The following NKAIN2 variants were observed in gnomAD, a reference collection of about 807,000 sequenced individuals.
NKAIN2 encodes the protein sodium/potassium transporting ATPase interacting 2.
In NKAIN2, 14 loss-of-function variants were observed where a neutral mutation model predicts 32.6. The observed-to-expected ratio is 0.43, with a 90% CI of 0.28 to 0.67. NKAIN2 has a LOEUF of 0.67. Among genes scored for constraint, NKAIN2 ranks in the 30% least tolerant of loss-of-function variants. NKAIN2 has a pLI of 0.17. For missense variants in NKAIN2, 198 were observed against 258.3 expected, an observed-to-expected ratio of 0.77 and a Z score of 1.60; for synonymous variants, 80 against 87.2, an observed-to-expected ratio of 0.92 and a Z score of 0.46.
intron 1 of NKAIN2, among the ~76,000 whole-genome samples, chr6:124,269,860 G>C (rs1367563310): frequency 1.3e-5 from 2 of 151,970 alleles, no homozygotes; most frequent in African/African-American, 4.8e-5. Context: ...TTCATCTCTT[G>C]ATTGGCCTTT....
chr6:124,261,801 A>G (rs777124820), intron 1 of NKAIN2, among the ~76,000 whole-genome samples: 13 of 151,598 alleles, frequency 8.6e-5, no homozygotes, highest in Non-Finnish European at 1.5e-4. Flanking sequence ...CAGAGATTGC[A>G]GTGAGCCAAG....
intron 1 of NKAIN2, among the ~76,000 whole-genome samples, chr6:124,166,609 T>C (rs1263726870): frequency 2.0e-5 from 3 of 151,760 alleles, no homozygotes; most frequent in Non-Finnish European, 4.4e-5. Flanking sequence ...ATGTCCTGAA[T>C]GGTAATGCCT....
At chr6:123,926,390 CTTCTGCAGATTCCTGTGGCAGTG>C (rs887247506) in intron 1 of NKAIN2, among the ~76,000 whole-genome samples, 1 of 152,124 alleles carries the variant, frequency 6.6e-6, no homozygotes, top group African/African-American at 2.4e-5. Flanking sequence ...TAAGTCTTCA[CTTCTGCAGATTCCTGTGGCAGTG>C]TTCCCCAGAT....
intron 1 of NKAIN2, among the ~76,000 whole-genome samples, chr6:123,974,726 C>T (rs888507298): frequency 4.6e-5 from 7 of 152,100 alleles, no homozygotes; most frequent in Non-Finnish European, 7.4e-5. Context: ...TGAGATCGAG[C>T]GTGTCAACGG....
rs897078766 is a variant in NKAIN2 at position 124,824,120 on chromosome 6, C to G, written c.*891C>G. On this transcript the variant is annotated 3_prime_UTR_variant, in exon 7 of 7. Coordinates refer to ENST00000368417, the MANE Select transcript of NKAIN2 (RefSeq NM_001040214.3). ...ACATTAATCTACTAAACTCACTAAT[C>G]TACTGGAAGCAGAAAGCAGAAATGG... 1 of 152,410 alleles carries G rather than the reference C, an allele frequency of 6.6e-6. No individual in the cohort carries two copies. The highest frequency in any genetic ancestry group is 1.5e-5 in the Non-Finnish European group (1 of 68,042). The allele number at this position is 152,410 out of a possible 1,614,324, so 9.4% of individuals were successfully genotyped here.
chr6:124,035,056 A>C (rs2114795948), intron 1 of NKAIN2, among the ~76,000 whole-genome samples: 1 of 152,220 alleles, frequency 6.6e-6, no homozygotes, highest in Non-Finnish European at 1.5e-5. Flanking sequence ...AAGTACAAGA[A>C]AAAATGTCTA....
At chr6:123,909,343 T>A (rs926588293) in intron 1 of NKAIN2, among the ~76,000 whole-genome samples, 2 of 152,172 alleles carry the variant, frequency 1.3e-5, no homozygotes, top group African/African-American at 4.8e-5. Flanking sequence ...AAAATTCAAG[T>A]CACGTCTTGC....
At chr6:124,807,603 T>A (rs1171756081) in intron 5 of NKAIN2, among the ~76,000 whole-genome samples, 1 of 144,412 alleles carries the variant, frequency 6.9e-6, no homozygotes, top group South Asian at 2.5e-4. Context: ...AGCAAACACA[T>A]TCAAAAGCTA....
chr6:124,084,560 T>G (rs1582612010), intron 1 of NKAIN2, among the ~76,000 whole-genome samples: 1 of 152,174 alleles, frequency 6.6e-6, no homozygotes, highest in East Asian at 1.9e-4. Context: ...ATTGAAATTT[T>G]TTTGTGTAGC....
At chr6:124,716,267 G>A (rs1425727071) in intron 4 of NKAIN2, among the ~76,000 whole-genome samples, 1 of 152,204 alleles carries the variant, frequency 6.6e-6, no homozygotes, top group African/African-American at 2.4e-5. Flanking sequence ...AAATTACAGG[G>A]TAGTTGCCAC....
intron 1 of NKAIN2, among the ~76,000 whole-genome samples, chr6:124,223,437 T>G (rs1395760125): frequency 6.6e-6 from 1 of 152,054 alleles, no homozygotes; most frequent in Non-Finnish European, 1.5e-5. Flanking sequence ...GGCAATCAAA[T>G]CTAGGGTACC....
At chr6:124,814,719 T>C (rs374902801) in intron 5 of NKAIN2, among the ~76,000 whole-genome samples, 2 of 152,244 alleles carry the variant, frequency 1.3e-5, no homozygotes, top group Admixed American at 6.5e-5. Context: ...AAGGTCTACA[T>C]GGCTTCTGAC....
chr6:124,706,883 C>A (rs1775104892), intron 4 of NKAIN2, among the ~76,000 whole-genome samples: 1 of 151,782 alleles, frequency 6.6e-6, no homozygotes, highest in Non-Finnish European at 1.5e-5. Context: ...GGTACATGTA[C>A]ACATTGTGCA....
At chr6:123,882,747 T>C (rs1219052223) in intron 1 of NKAIN2, among the ~76,000 whole-genome samples, 1 of 152,210 alleles carries the variant, frequency 6.6e-6, no homozygotes, top group Non-Finnish European at 1.5e-5. Flanking sequence ...TTAATTATGA[T>C]GATTTATTCA....
chr6:124,657,741 T>C (rs867092449), intron 3 of NKAIN2, among the ~76,000 whole-genome samples: 1 of 151,728 alleles, frequency 6.6e-6, no homozygotes, highest in Non-Finnish European at 1.5e-5. Context: ...TGTTGCAGAA[T>C]TGAAGTATAG....
At chr6:124,455,836 G>A (rs538212865) in intron 3 of NKAIN2, among the ~76,000 whole-genome samples, 27 of 151,878 alleles carry the variant, frequency 1.8e-4, no homozygotes, top group Non-Finnish European at 3.1e-4. Flanking sequence ...TATATCTAAT[G>A]TAACAGGTGT....
intron 2 of NKAIN2, among the ~76,000 whole-genome samples, chr6:124,295,794 C>T (rs1262139737): frequency 1.3e-5 from 2 of 152,034 alleles, no homozygotes; most frequent in Admixed American, 6.6e-5. Context: ...TATAATGCTC[C>T]TGGAAATGTT....
At chr6:123,907,669 A>C (rs967902126) in intron 1 of NKAIN2, among the ~76,000 whole-genome samples, 1 of 152,194 alleles carries the variant, frequency 6.6e-6, no homozygotes, top group Non-Finnish European at 1.5e-5. Context: ...TAGTTTCATT[A>C]ATGATAGCCT....
At chr6:124,589,190 C>T (rs1334407596) in intron 3 of NKAIN2, among the ~76,000 whole-genome samples, 2 of 152,030 alleles carry the variant, frequency 1.3e-5, no homozygotes, top group Non-Finnish European at 2.9e-5. Context: ...GAATATAGGC[C>T]GTTTGGCAGA....
Sources: gnomAD v4.1 joint callset for allele counts (sites outside exome capture counted in the v4.1 genomes callset) on GRCh38, gnomAD v4.1.1 for gene constraint, MANE v1.5 for transcripts, NCBI Gene and HGNC (gene_info 2026-07-23, HGNC 2026-07-21) for gene names.